TENM3: variants seen among roughly 807,000 people sequenced by gnomAD.
The protein encoded by TENM3 is teneurin transmembrane protein 3.
Under a neutral mutation model 255.1 loss-of-function variants are expected in TENM3, and 63 were observed. The ratio of observed to expected loss-of-function variants is 0.25; its 90% CI spans 0.20 to 0.30. TENM3 has a LOEUF of 0.30. TENM3 is among the 10% of genes least tolerant of loss of function. The pLI is 1.00. For missense variants in TENM3, 2,929 were observed against 3,461.1 expected (o/e 0.85, Z 3.86); for synonymous variants, 1,306 against 1,322.3 (o/e 0.99, Z 0.27).
At chr4:182,612,092 A>T (rs944201487) in intron 4 of TENM3, among the ~76,000 whole-genome samples, 4 of 151,114 alleles carry the variant, frequency 2.6e-5, no homozygotes, top group Admixed American at 6.6e-5. Flanking sequence ...ACACGGTGAA[A>T]CCCCGTCTCT....
intron 1 of TENM3, among the ~76,000 whole-genome samples, chr4:182,163,944 C>T (rs1751526873): frequency 6.6e-6 from 1 of 152,156 alleles, no homozygotes. Flanking sequence ...GTCATAGATT[C>T]CCATGGCTTC....
At chr4:181,642,231 A>AT in the TENM3 span, among the ~76,000 whole-genome samples, 1 of 149,082 alleles carries the variant, frequency 6.7e-6, no homozygotes, top group Admixed American at 6.7e-5. Flanking sequence ...AGTGATGATG[A>AT]TTTTTTTTCA....
chr4:182,230,484 G>A (rs913175102), intron 1 of TENM3, among the ~76,000 whole-genome samples: 2 of 152,028 alleles, frequency 1.3e-5, no homozygotes, highest in African/African-American at 2.4e-5. Context: ...GTTGGAATAC[G>A]TACTGTGTTG....
chr4:181,463,355 C>A, the TENM3 span, among the ~76,000 whole-genome samples: 1 of 152,134 alleles, frequency 6.6e-6, no homozygotes, highest in Non-Finnish European at 1.5e-5. Flanking sequence ...CTGTTGTATA[C>A]ATTCTCTCTA....
chr4:181,509,962 T>C, the TENM3 span, among the ~76,000 whole-genome samples: 1 of 152,230 alleles, frequency 6.6e-6, no homozygotes, highest in African/African-American at 2.4e-5. Flanking sequence ...ACAGAACAAA[T>C]GCAAGCAAAC....
intron 1 of TENM3, among the ~76,000 whole-genome samples, chr4:182,316,001 C>G (rs1180353433): frequency 6.6e-6 from 1 of 152,094 alleles, no homozygotes; most frequent in Non-Finnish European, 1.5e-5. Flanking sequence ...GTTATTATAA[C>G]CATTTTCATG....
At chr4:182,389,691 C>CTTTCTTT (rs1768273860) in intron 3 of TENM3, among the ~76,000 whole-genome samples, 1 of 133,204 alleles carries the variant, frequency 7.5e-6, no homozygotes, top group Admixed American at 7.8e-5. Flanking sequence ...GTAGATGACT[C>CTTTCTTT]TTTTTTTTTT....
At chr4:182,431,880 C>T (rs1292325779) in intron 3 of TENM3, among the ~76,000 whole-genome samples, 1 of 151,864 alleles carries the variant, frequency 6.6e-6, no homozygotes, top group Non-Finnish European at 1.5e-5. Flanking sequence ...AGTTTGAGAC[C>T]AGTCTGGGCA....
chr4:182,638,609 G>T (rs758231600), intron 5 of TENM3, among the ~76,000 whole-genome samples: 3 of 152,170 alleles, frequency 2.0e-5, no homozygotes, highest in Non-Finnish European at 4.4e-5. Context: ...AAGATTTCAT[G>T]TTATTAATGA....
the TENM3 span, among the ~76,000 whole-genome samples, chr4:182,050,647 T>C: frequency 3.7e-4 from 57 of 152,068 alleles, 1 homozygote; most frequent in East Asian, 0.011. Context: ...CTACTAAAAA[T>C]ACAAACACTA....
chr4:181,633,096 A>T, the TENM3 span, among the ~76,000 whole-genome samples: 2 of 152,156 alleles, frequency 1.3e-5, no homozygotes, highest in Non-Finnish European at 2.9e-5. Context: ...CTTCAGAAGG[A>T]GCCCAATCCA....
At chr4:182,650,889 A>AAAAAAATATATATATATATAT (rs1281790163) in intron 5 of TENM3, among the ~76,000 whole-genome samples, 1 of 29,772 alleles carries the variant, frequency 3.4e-5, no homozygotes, top group Non-Finnish European at 5.7e-5. Flanking sequence ...AATAAAAAAA[A>AAAAAAATATATATATATATAT]ATATATATAT....
At chr4:181,826,057 CT>C in the TENM3 span, among the ~76,000 whole-genome samples, 24 of 152,030 alleles carry the variant, frequency 1.6e-4, no homozygotes, top group South Asian at 4.6e-3. Context: ...GAACGTGAAT[CT>C]TTTTTTTATG....
the TENM3 span, among the ~76,000 whole-genome samples, chr4:181,450,392 G>A: frequency 6.6e-6 from 1 of 152,160 alleles, no homozygotes; most frequent in East Asian, 1.9e-4. Flanking sequence ...TTTCAGTGTA[G>A]TTTTGCAGAA....
the TENM3 span, among the ~76,000 whole-genome samples, chr4:181,505,840 C>G: frequency 6.6e-6 from 1 of 152,084 alleles, no homozygotes; most frequent in Non-Finnish European, 1.5e-5. Flanking sequence ...TCAGCTATCC[C>G]AAAACTTTCA....
chr4:182,786,041 T>C (rs1309350686), intron 24 of TENM3, among the ~76,000 whole-genome samples: 1 of 152,206 alleles, frequency 6.6e-6, no homozygotes, highest in African/African-American at 2.4e-5. Flanking sequence ...GGAAAAAACA[T>C]AGCCACATTC....
At chr4:181,519,731 A>T in the TENM3 span, among the ~76,000 whole-genome samples, 1 of 152,180 alleles carries the variant, frequency 6.6e-6, no homozygotes, top group Non-Finnish European at 1.5e-5. Flanking sequence ...TGTAATTACT[A>T]TATTGCTGAC....
At chr4:182,070,426 C>T in the TENM3 span, among the ~76,000 whole-genome samples, 1 of 152,266 alleles carries the variant, frequency 6.6e-6, no homozygotes, top group African/African-American at 2.4e-5. Flanking sequence ...CAAGACCACC[C>T]TGGCCAACAT....
the TENM3 span, among the ~76,000 whole-genome samples, chr4:181,663,632 G>C: frequency 7.2e-5 from 11 of 152,284 alleles, no homozygotes; most frequent in South Asian, 1.2e-3. Flanking sequence ...ATTTCAGTAA[G>C]CAAAGATGGG....
Sources: gnomAD v4.1 joint callset for allele counts (sites outside exome capture counted in the v4.1 genomes callset) on GRCh38, gnomAD v4.1.1 for gene constraint, MANE v1.5 for transcripts, NCBI Gene and HGNC (gene_info 2026-07-23, HGNC 2026-07-21) for gene names.